The following PRKCE variants were observed in gnomAD, a reference collection of about 807,000 sequenced individuals.
The protein encoded by PRKCE is protein kinase C epsilon.
A neutral mutation model predicts 85.4 loss-of-function variants in PRKCE; 16 were observed. The ratio of observed to expected loss-of-function variants is 0.19; its 90% confidence interval spans 0.13 to 0.28. The LOEUF (loss-of-function observed/expected upper bound fraction) is 0.28. Ranked by LOEUF, PRKCE falls within the 10% of genes least tolerant of loss-of-function variation. PRKCE has a pLI of 1.00. For missense variants in PRKCE, 573 were observed against 975.2 expected (o/e 0.59, Z 5.49); for synonymous variants, 388 against 371.5 (o/e 1.04, Z -0.51).
intron 2 of PRKCE, among the ~76,000 whole-genome samples, chr2:45,921,589 G>C (rs1484205654): frequency 2.0e-5 from 3 of 152,218 alleles, no homozygotes; most frequent in Non-Finnish European, 2.9e-5. Flanking sequence ...TAGCTGGTAA[G>C]TGGTAGAGCT....
At chr2:45,694,550 C>T (rs1481202967) in intron 1 of PRKCE, among the ~76,000 whole-genome samples, 1 of 152,162 alleles carries the variant, frequency 6.6e-6, no homozygotes, top group Non-Finnish European at 1.5e-5. Flanking sequence ...CTGTCCTATG[C>T]TAGTGGGCAA....
At position 46,159,777 on chromosome 2, in the gene PRKCE, A is replaced by G; in HGVS notation, c.2067+25A>G. The stretch of plus-strand genomic sequence containing the variant: ...TGTAAGTTGGTCCCCGTGCACGTTC[A>G]GCACCATGGGTCGGGCCCAGGTACT... On this transcript the variant is annotated intron_variant, in intron 14 of 14. Coordinates refer to ENST00000306156, the MANE Select transcript of PRKCE (RefSeq NM_005400.3). The surrounding 1 kb of genome is among the most constrained non-coding windows in gnomAD (Gnocchi z 4.1). The G allele has an allele frequency of 6.3e-7, 1 of 1,598,144 alleles. No individual in the cohort carries two copies. The highest frequency in any genetic ancestry group is 8.5e-7 in the Non-Finnish European group (1 of 1,179,436).
At chr2:46,090,178 G>C (rs1670025829) in intron 11 of PRKCE, among the ~76,000 whole-genome samples, 2 of 152,164 alleles carry the variant, frequency 1.3e-5, no homozygotes. Context: ...AGATTCCAGA[G>C]TAATACTCCT....
chr2:45,874,121 T>G (rs1321985562), intron 2 of PRKCE, among the ~76,000 whole-genome samples: 1 of 152,184 alleles, frequency 6.6e-6, no homozygotes, highest in East Asian at 1.9e-4. Context: ...TCAACACAAG[T>G]TCTATGAAGT....
intron 10 of PRKCE, among the ~76,000 whole-genome samples, chr2:46,048,959 G>A (rs772346402): frequency 6.0e-5 from 9 of 151,046 alleles, no homozygotes; most frequent in African/African-American, 1.2e-4. Context: ...GTAGAGACTC[G>A]CCAGTAATGC....
At chr2:46,043,666 C>T (rs965681076) in intron 10 of PRKCE, among the ~76,000 whole-genome samples, 2 of 152,036 alleles carry the variant, frequency 1.3e-5, no homozygotes, top group Non-Finnish European at 2.9e-5. Context: ...GGGTTTTAGG[C>T]AACTGAGATG....
chr2:46,004,246 A>T lies in PRKCE; in HGVS notation c.967-296A>T. Reference sequence around the variant, plus strand: ...TCATCCTTTTGGATGGGGTTGGATCAAACATTGTACCTCTGTCTCAGCTCT... The same window carrying T: ...TCATCCTTTTGGATGGGGTTGGATCTAACATTGTACCTCTGTCTCAGCTCT... On this transcript the variant is annotated intron_variant, in intron 7 of 14. Coordinates refer to ENST00000306156, the MANE Select transcript of PRKCE (RefSeq NM_005400.3). The surrounding 1 kb of genome is among the most constrained non-coding windows in gnomAD (Gnocchi z 4.1). The T allele has an allele frequency of 2.7e-6, 1 of 376,138 alleles. No individual in the cohort carries two copies. The highest frequency in any genetic ancestry group is 5.1e-6 in the Non-Finnish European group (1 of 194,558). 23.3% of individuals were successfully genotyped at this position (376,138 alleles called of 1,614,324 possible). A position where few individuals can be genotyped will look rare whatever the true frequency, so the allele number is the denominator to read the frequency against.
intron 2 of PRKCE, among the ~76,000 whole-genome samples, chr2:45,876,146 TCTCC>T (rs1297704403): frequency 6.6e-6 from 1 of 152,182 alleles, no homozygotes; most frequent in Non-Finnish European, 1.5e-5. Flanking sequence ...GTGGCTCTGG[TCTCC>T]CTGCTTCCAT....
At chr2:46,119,290 G>C (rs538536134) in intron 11 of PRKCE, among the ~76,000 whole-genome samples, 1 of 152,062 alleles carries the variant, frequency 6.6e-6, no homozygotes, top group Admixed American at 6.5e-5. Flanking sequence ...AAAAAAAAAG[G>C]GGGGGTTATT....
chr2:46,032,316 C>T (rs539716747), intron 10 of PRKCE, among the ~76,000 whole-genome samples: 10 of 152,262 alleles, frequency 6.6e-5, no homozygotes, highest in African/African-American at 2.4e-4. Flanking sequence ...ACGCCTGTGC[C>T]CTTCCTGTTC....
intron 1 of PRKCE, among the ~76,000 whole-genome samples, chr2:45,835,597 GTTT>G (rs34000335): frequency 3.1e-3 from 442 of 143,734 alleles, no homozygotes; most frequent in African/African-American, 8.8e-3. Flanking sequence ...TAGTATATTT[GTTT>G]TTTTTTTTTT....
intron 1 of PRKCE, among the ~76,000 whole-genome samples, chr2:45,730,694 A>G (rs1308992203): frequency 6.6e-6 from 1 of 151,990 alleles, no homozygotes; most frequent in Admixed American, 6.6e-5. Flanking sequence ...TCCTGGCCTT[A>G]AGCTATCTAC....
At chr2:45,886,426 G>T (rs1032895256) in intron 2 of PRKCE, among the ~76,000 whole-genome samples, 4 of 152,208 alleles carry the variant, frequency 2.6e-5, no homozygotes, top group Non-Finnish European at 5.9e-5. Context: ...GCTTAGAGGG[G>T]ACTTGGCATT....
chr2:45,987,894 G>A (rs1703466576), intron 6 of PRKCE, among the ~76,000 whole-genome samples: 3 of 152,240 alleles, frequency 2.0e-5, no homozygotes, highest in Admixed American at 2.0e-4. Flanking sequence ...GGCCAGAAGA[G>A]GCCAGCATGG....
At chr2:46,161,760 T>A (rs1258181903) in intron 14 of PRKCE, among the ~76,000 whole-genome samples, 2 of 152,018 alleles carry the variant, frequency 1.3e-5, no homozygotes, top group Non-Finnish European at 2.9e-5. Context: ...AGAGTGTGGA[T>A]TCATGAAGAA....
At chr2:45,909,723 C>G (rs550982722) in intron 2 of PRKCE, among the ~76,000 whole-genome samples, 2 of 152,310 alleles carry the variant, frequency 1.3e-5, no homozygotes, top group South Asian at 2.1e-4. Flanking sequence ...TTTAGAAAAG[C>G]CTTCCAGGCA....
intron 1 of PRKCE, among the ~76,000 whole-genome samples, chr2:45,809,117 G>T (rs1014300821): frequency 1.1e-4 from 17 of 152,146 alleles, no homozygotes; most frequent in Admixed American, 2.0e-4. Flanking sequence ...AGCCTGATGG[G>T]ACTGGTCATC....
intron 2 of PRKCE, among the ~76,000 whole-genome samples, chr2:45,936,617 C>A (rs1018015173): frequency 6.6e-6 from 1 of 152,220 alleles, no homozygotes; most frequent in Admixed American, 6.5e-5. Flanking sequence ...GTTTTCCTAA[C>A]CTTACCCACC....
chr2:45,888,908 A>T (rs1695501438), intron 2 of PRKCE, among the ~76,000 whole-genome samples: 1 of 150,930 alleles, frequency 6.6e-6, no homozygotes, highest in African/African-American at 2.5e-5. Context: ...CCCTTCAAGG[A>T]GAATCAAAAG....
Sources: allele counts gnomAD v4.1 joint callset (sites outside exome capture counted in the v4.1 genomes callset), GRCh38; gene constraint gnomAD v4.1.1; non-coding constraint Gnocchi (gnomAD v3.1); transcripts MANE v1.5; gene names NCBI Gene and HGNC (gene_info 2026-07-23, HGNC 2026-07-21).